TMPRSS11F: variants seen among roughly 807,000 people sequenced by gnomAD.
TMPRSS11F encodes transmembrane serine protease 11F, also known as transmembrane protease serine 11F.
A neutral mutation model predicts 60.2 loss-of-function variants in TMPRSS11F; 47 were observed. The ratio of observed to expected loss-of-function variants is 0.78; its 90% confidence interval spans 0.62 to 1.00. The LOEUF is 1.00. Among genes scored for constraint, TMPRSS11F ranks in the 50% least tolerant of loss-of-function variants. The pLI, the probability that TMPRSS11F is intolerant of heterozygous loss-of-function variation, is 0.00. For missense variants in TMPRSS11F, 519 were observed against 522.9 expected, an observed-to-expected ratio of 0.99 and a Z score of 0.07; for synonymous variants, 166 against 167.3, an observed-to-expected ratio of 0.99 and a Z score of 0.06.
chr4:68,112,748 T>A (rs1174637054), intron 1 of TMPRSS11F, among the ~76,000 whole-genome samples: 1 of 152,208 alleles, frequency 6.6e-6, no homozygotes, highest in Admixed American at 6.5e-5. Flanking sequence ...GCCTTAGTAG[T>A]GTTTAATAAA....
chr4:68,053,857 C>T lies in TMPRSS11F; in HGVS notation c.*52G>A, dbSNP rs541707802. 3.5e-5 allele frequency: 53 copies of T among 1,517,668 alleles called. No individual in the cohort carries two copies. The Middle Eastern group carries it at 5.2e-4, about 15-fold the overall frequency. 94.0% of individuals were successfully genotyped at this position (1,517,668 alleles called of 1,614,324 possible). A position where few individuals can be genotyped will look rare whatever the true frequency, so the allele number is the denominator to read the frequency against. ...AAATGAATTTAAACAATACAAAATA[C>T]GCAGGAGTATCAGCTCTGTGTGCCA... is the stretch of plus-strand genomic sequence containing the variant. On this transcript the variant is annotated 3_prime_UTR_variant, in exon 10 of 10. Transcript: ENST00000356291.
Position 68,068,763 on chromosome 4 carries a change from G to C in TMPRSS11F, c.610C>G (p.Gln204Glu), listed in dbSNP as rs181704828. The stretch of plus-strand genomic sequence containing the variant: ...GTTTCCCTTCCTTGGACAATTCTTT[G>C]AGTAGAAGAGGATGCTGGTAATGGC... ...NMPLPASSST[Q>E]RIVQGRETAM... The change falls in exon 7 of 10, where the codon CAA becomes GAA. Residue 204 changes from glutamine (Q) to glutamate (E), a missense_variant. Transcript: ENST00000356291. 41 of 1,614,206 alleles carry C rather than the reference G, an allele frequency of 2.5e-5. No individual in the cohort carries two copies. The East Asian group carries it at 8.7e-4, about 34-fold the overall frequency.
chr4:68,053,788 T>G lies in TMPRSS11F; in HGVS notation c.*121A>C. 4 of 984,996 alleles carry G rather than the reference T, an allele frequency of 4.1e-6. No individual in the cohort carries two copies. The highest frequency in any genetic ancestry group is 6.0e-6 in the Non-Finnish European group (4 of 668,542). 61.0% of individuals were successfully genotyped at this position (984,996 alleles called of 1,614,324 possible). A position where few individuals can be genotyped will look rare whatever the true frequency, so the allele number is the denominator to read the frequency against. ...CCTCAGGATATTAGATTTGTCTGGG[T>G]CTGAAGGGCTTCTTGACATCTAGCA... On this transcript the variant is annotated 3_prime_UTR_variant, in exon 10 of 10. Transcript: ENST00000356291.
chr4:68,082,329 C>T (rs1723712760), intron 3 of TMPRSS11F, among the ~76,000 whole-genome samples: 1 of 152,180 alleles, frequency 6.6e-6, no homozygotes, highest in Admixed American at 6.5e-5. Flanking sequence ...CTCCTGCCTG[C>T]ATGGACCCCA....
chr4:68,108,890 C>T (rs923924954), intron 1 of TMPRSS11F, among the ~76,000 whole-genome samples: 3 of 151,960 alleles, frequency 2.0e-5, no homozygotes, highest in Non-Finnish European at 2.9e-5. Flanking sequence ...TTTATTTTAC[C>T]CAGGACCTGA....
At chr4:68,122,546 C>A (rs770517471) in intron 1 of TMPRSS11F, among the ~76,000 whole-genome samples, 3 of 152,080 alleles carry the variant, frequency 2.0e-5, no homozygotes, top group Non-Finnish European at 4.4e-5. Context: ...ATAGTTTTCT[C>A]AACATTAGCA....
At chr4:68,128,705 GT>G (rs1301714913) in intron 1 of TMPRSS11F, among the ~76,000 whole-genome samples, 2 of 152,132 alleles carry the variant, frequency 1.3e-5, no homozygotes, top group Admixed American at 6.5e-5. Context: ...AAATATAAAA[GT>G]TTTTTCTACT....
chr4:68,077,544 T>C (rs1331203309), intron 3 of TMPRSS11F: 1 of 152,220 alleles, frequency 6.6e-6, no homozygotes, highest in African/African-American at 2.4e-5. Flanking sequence ...CAGGATCCAC[T>C]TAAGAGCAGG....
intron 1 of TMPRSS11F, among the ~76,000 whole-genome samples, chr4:68,110,386 C>T (rs1724388683): frequency 6.6e-6 from 1 of 152,138 alleles, no homozygotes. Context: ...AGTGTTTAGC[C>T]ATGGATATGT....
rs917117035 is a variant in TMPRSS11F, at chr4:68,083,068, G to A, written c.282+7455C>T. On this transcript the variant is annotated intron_variant, in intron 3 of 9. Transcript: ENST00000356291. ...TGGGCAAAAAAACTGTGAGCCACGA[G>A]CACCACATAAGCTGCATACCCATGA... 2.6e-5 allele frequency among the ~76,000 whole-genome samples: 4 copies of A among 152,300 alleles called. No individual in the cohort carries two copies. In the East Asian group the frequency reaches 7.7e-4, roughly 29 times the overall value.
At chr4:68,110,746 A>T (rs538513184) in intron 1 of TMPRSS11F, among the ~76,000 whole-genome samples, 1 of 152,290 alleles carries the variant, frequency 6.6e-6, no homozygotes, top group South Asian at 2.1e-4. Context: ...TTAAAATGCT[A>T]TCTGCTTACT....
chr4:68,076,433 A>G (rs1246268184), intron 3 of TMPRSS11F, among the ~76,000 whole-genome samples: 1 of 152,190 alleles, frequency 6.6e-6, no homozygotes, highest in Non-Finnish European at 1.5e-5. Context: ...TTCTTCCATT[A>G]GTTGTGTGAT....
rs1479465023 is a variant in TMPRSS11F, at chr4:68,069,855, A to G, written c.553+114T>C. 3 of 786,024 alleles carry G rather than the reference A, an allele frequency of 3.8e-6. No homozygotes were observed. The East Asian group carries it at 8.1e-5, about 21-fold the overall frequency. The allele number at this position is 786,024 out of a possible 1,614,324, so 48.7% of individuals were successfully genotyped here. A position where few individuals can be genotyped will look rare whatever the true frequency, so the allele number is the denominator to read the frequency against. ...AAAAGACTAAGTGTTCGGTTTACAA[A>G]AATATAAAATGAGTCTTAAAAAGCT... On this transcript the variant is annotated intron_variant, in intron 6 of 9. Coordinates refer to ENST00000356291, the MANE Select transcript of TMPRSS11F (RefSeq NM_207407.2).
intron 1 of TMPRSS11F, among the ~76,000 whole-genome samples, chr4:68,129,538 T>C (rs1724778189): frequency 6.6e-6 from 1 of 152,156 alleles, no homozygotes; most frequent in African/African-American, 2.4e-5. Flanking sequence ...TTACTAAATG[T>C]TTTAAATATT....
rs1249271530 is a variant in TMPRSS11F at position 68,076,922 on chromosome 4, T to G, written c.283-2913A>C. ...CCCTTCAAAACAACAGTAAAACACTTGCTGCAAGTGTACACACACTGGCAC... is the reference window on the plus strand; with the variant it reads ...CCCTTCAAAACAACAGTAAAACACTGGCTGCAAGTGTACACACACTGGCAC... On this transcript the variant is annotated intron_variant, in intron 3 of 9. Transcript: ENST00000356291. Among the ~76,000 whole-genome samples, 5 of 152,126 alleles carry G rather than the reference T, an allele frequency of 3.3e-5. No homozygotes were observed. The East Asian group carries it at 9.6e-4, about 29-fold the overall frequency.
intron 1 of TMPRSS11F, among the ~76,000 whole-genome samples, chr4:68,112,328 C>T (rs1017323012): frequency 6.6e-6 from 1 of 152,118 alleles, no homozygotes; most frequent in Non-Finnish European, 1.5e-5. Flanking sequence ...AAATCCTATT[C>T]ACCCTTCAAG....
chr4:68,103,787 C>T (rs573637129), intron 1 of TMPRSS11F, among the ~76,000 whole-genome samples: 1 of 152,240 alleles, frequency 6.6e-6, no homozygotes, highest in East Asian at 1.9e-4. Flanking sequence ...TGATTCAGAA[C>T]ATAGGATATC....
At chr4:68,115,684 G>C (rs1225313219) in intron 1 of TMPRSS11F, among the ~76,000 whole-genome samples, 2 of 152,084 alleles carry the variant, frequency 1.3e-5, no homozygotes, top group Non-Finnish European at 2.9e-5. Context: ...AGAGTGAAAG[G>C]TCATACATAA....
At chr4:68,111,442 C>G (rs773750173) in intron 1 of TMPRSS11F, among the ~76,000 whole-genome samples, 7 of 152,138 alleles carry the variant, frequency 4.6e-5, no homozygotes, top group Non-Finnish European at 7.4e-5. Flanking sequence ...TGTATATGCT[C>G]TCTATACCCT....
Sources: gnomAD v4.1 joint callset for allele counts (sites outside exome capture counted in the v4.1 genomes callset) on GRCh38, gnomAD v4.1.1 for gene constraint, MANE v1.5 for transcripts, NCBI Gene and HGNC (gene_info 2026-07-23, HGNC 2026-07-21) for gene names.